Variants in ITSN1 observed in about 807,000 individuals in gnomAD.
ITSN1 encodes intersectin-1.
A neutral mutation model predicts 239.8 loss-of-function variants in ITSN1; 58 were observed. The ratio of observed to expected loss-of-function variants is 0.24; its 90% CI spans 0.20 to 0.30. ITSN1 has a LOEUF of 0.30. ITSN1 is among the 10% of genes least tolerant of loss of function. ITSN1 has a pLI of 1.00. For missense variants in ITSN1, 1,558 were observed against 2,103.3 expected, an observed-to-expected ratio of 0.74 and a Z score of 5.07; for synonymous variants, 780 against 770.8, an observed-to-expected ratio of 1.01 and a Z score of -0.20.
At chr21:33,712,006 CTCTA>C (rs1455560199) in intron 1 of ITSN1, among the ~76,000 whole-genome samples, 1 of 152,156 alleles carries the variant, frequency 6.6e-6, no homozygotes, top group Non-Finnish European at 1.5e-5. Flanking sequence ...CTCAGCTTCT[CTCTA>C]AAATTTTCAT....
chr21:33,762,179 T>A (rs1437175126), intron 9 of ITSN1, among the ~76,000 whole-genome samples, 193 bp downstream of exon 9: 1 of 152,188 alleles, frequency 6.6e-6, no homozygotes. Flanking sequence ...AAAAGCAGAT[T>A]AATACAATAA....
At position 33,667,844 on chromosome 21, in the gene ITSN1, A is replaced by G. The variant is rs185329119; in HGVS notation, c.-33+25131A>G. Among the ~76,000 whole-genome samples the G allele has an allele frequency of 9.4e-3, 1,436 of 152,228 alleles. 13 individuals carry two copies. Among genetic ancestry groups the G allele is most frequent in the Non-Finnish European group, 0.015 (1,035 of 68,014 alleles). ...CTGGGAATGTATGTGTGAAGTTCCC[A>G]TTTGGAAGGCTGGCATCGTAGTACT... is the stretch of plus-strand genomic sequence containing the variant. On this transcript the variant is annotated intron_variant, in intron 1 of 39. Transcript: ENST00000381318.
At chr21:33,810,887 G>A in intron 20 of ITSN1, 88 bp from the exon 21 acceptor site, 1 of 1,435,506 alleles carries the variant, frequency 7.0e-7, no homozygotes, top group Non-Finnish European at 9.8e-7. Context: ...TCTAAAGAGG[G>A]CAGAGGCTTG....
chr21:33,750,316 C>T lies in ITSN1; in HGVS notation c.520C>T (p.His174Tyr). ...TATACAACCTCTGCCTGCATTTGCT[C>T]ATCCTGGTATGTGACTTGCTGAAAC... is the stretch of plus-strand genomic sequence containing the variant. ...PVIQPLPAFA[H>Y]PAATLPKSSS... The change falls in exon 6 of 40, where the codon CAT becomes TAT. Residue 174 changes from histidine to tyrosine, a missense_variant. This residue lies in a region of ITSN1 where 982 missense variants were observed against 1,209.9 expected (regional missense o/e 0.81). Coordinates refer to ENST00000381318, the MANE Select transcript of ITSN1 (RefSeq NM_003024.3). 1.2e-6 allele frequency: 2 copies of T among 1,612,886 alleles called. No individual in the cohort carries two copies. Among genetic ancestry groups the T allele is most frequent in the East Asian group, 2.2e-5 (1 of 44,888 alleles).
chr21:33,885,222 T>C, intron 37 of ITSN1, 99 bp downstream of exon 37: 4 of 1,123,240 alleles, frequency 3.6e-6, no homozygotes, highest in Admixed American at 3.9e-5. Context: ...CCCCTGGACC[T>C]AGAGGAGGGG....
At chr21:33,842,423 G>A (rs893042253) in intron 29 of ITSN1, among the ~76,000 whole-genome samples, 10 of 152,116 alleles carry the variant, frequency 6.6e-5, no homozygotes, top group South Asian at 6.2e-4. Context: ...TATAGTGTCC[G>A]TGCAACTTAA....
intron 4 of ITSN1, among the ~76,000 whole-genome samples, chr21:33,728,566 C>G (rs2065970737): frequency 6.6e-6 from 1 of 152,136 alleles, no homozygotes; most frequent in African/African-American, 2.4e-5. Flanking sequence ...TTCTCCTTGC[C>G]TCAGGGTCAT....
intron 33 of ITSN1, among the ~76,000 whole-genome samples, chr21:33,871,100 C>G (rs1399673243): frequency 6.6e-6 from 1 of 151,634 alleles, no homozygotes; most frequent in Non-Finnish European, 1.5e-5. Context: ...CACAGCACTC[C>G]AGCCTGGGTG....
At chr21:33,760,681 C>G (rs962548739) in intron 8 of ITSN1, among the ~76,000 whole-genome samples, 7 of 152,186 alleles carry the variant, frequency 4.6e-5, no homozygotes, top group African/African-American at 1.7e-4. Context: ...TCCCTGACCT[C>G]TACTGCTGGC....
intron 29 of ITSN1, among the ~76,000 whole-genome samples, chr21:33,842,953 C>G (rs2074874382): frequency 6.6e-6 from 1 of 152,112 alleles, no homozygotes; most frequent in South Asian, 2.1e-4. Flanking sequence ...TGATACCTGT[C>G]CCCACACACT....
At chr21:33,796,336 T>G (rs2071560918) in intron 17 of ITSN1, among the ~76,000 whole-genome samples, 1 of 152,244 alleles carries the variant, frequency 6.6e-6, no homozygotes, top group African/African-American at 2.4e-5. Flanking sequence ...AAAAAATGTT[T>G]TTATACTTTC....
At chr21:33,781,955 TAA>T (rs766670050) in intron 15 of ITSN1, 37 bp from the exon 16 acceptor site, 17 of 1,547,342 alleles carry the variant, frequency 1.1e-5, no homozygotes, top group Non-Finnish European at 1.5e-5. Context: ...CACTGCAAAT[TAA>T]AGTTTTTCTT....
intron 3 of ITSN1, among the ~76,000 whole-genome samples, chr21:33,721,645 A>G (rs2065489855): frequency 6.6e-6 from 1 of 151,774 alleles, no homozygotes; most frequent in East Asian, 2.0e-4. Flanking sequence ...AAAATAAAAA[A>G]TTAGCTGGGT....
intron 11 of ITSN1, 137 bp downstream of exon 11, chr21:33,767,965 G>A: frequency 3.7e-6 from 2 of 535,690 alleles, no homozygotes; most frequent in Non-Finnish European, 6.6e-6. Context: ...GACCTTAGTT[G>A]GAGATAATTG....
chr21:33,752,344 A>T (rs748790089), intron 7 of ITSN1, among the ~76,000 whole-genome samples: 1 of 146,178 alleles, frequency 6.8e-6, no homozygotes, highest in Non-Finnish European at 1.5e-5. Flanking sequence ...AATCTTGTGG[A>T]GTTTATATGG....
Position 33,767,826 on chromosome 21 carries a change from C to T in ITSN1, c.1040C>T (p.Pro347Leu). The change falls in exon 11 of 40, where the codon CCT becomes CTT. Residue 347 changes from proline to leucine, a missense_variant and splice_region_variant. Physicochemically the swap from Pro to Leu is moderately conservative, Grantham distance 98. Around this residue, in one of 2 missense-constraint regions of ITSN1, gnomAD observed 982 missense variants for 1,209.9 expected, o/e 0.81. Coordinates refer to ENST00000381318, the MANE Select transcript of ITSN1 (RefSeq NM_003024.3). ...CAACAACAATTAGAAAAGAAATTAC[C>T]TGGTAAGGCAGCCTTTATGTTGAGT... is the stretch of plus-strand genomic sequence containing the variant. Reference protein sequence around the residue: ...DEQQQLEKKLPVTFEDKKREN... With the variant: ...DEQQQLEKKLLVTFEDKKREN... The T allele has an allele frequency of 6.5e-7, 1 of 1,527,324 alleles. No homozygotes were observed. The highest frequency in any genetic ancestry group is 9.1e-7 in the Non-Finnish European group (1 of 1,102,400). The allele number at this position is 1,527,324 out of a possible 1,614,324, so 94.6% of individuals were successfully genotyped here.
At chr21:33,791,667 C>T (rs2071144052) in intron 16 of ITSN1, among the ~76,000 whole-genome samples, 1 of 151,896 alleles carries the variant, frequency 6.6e-6, no homozygotes, top group African/African-American at 2.4e-5. Context: ...GTTACAAGAG[C>T]CTAGTATAGA....
In ITSN1 at chr21:33,667,108, A is replaced by G. The variant is rs528557510; in HGVS notation, c.-33+24395A>G. 3.2e-3 allele frequency among the ~76,000 whole-genome samples: 480 copies of G among 151,460 alleles called. 2 individuals carry two copies. The highest frequency in any genetic ancestry group is 0.011 in the African/African-American group (460 of 41,324). On this transcript the variant is annotated intron_variant, in intron 1 of 39. Coordinates refer to ENST00000381318, the MANE Select transcript of ITSN1 (RefSeq NM_003024.3). ...TTCTGAGATTACAGAATTTGTAAGC[A>G]TAAGCCACCACACCCAGCCTATTTG...
Position 33,811,144 on chromosome 21 carries a change from G to A in ITSN1, c.2489G>A (p.Arg830His), listed in dbSNP as rs1028088112. Residue 830 changes from arginine to histidine, a missense_variant, in exon 21 of 40, where the codon CGT becomes CAT. Around this residue, in one of 2 missense-constraint regions of ITSN1, gnomAD observed 982 missense variants for 1,209.9 expected, o/e 0.81. Transcript: ENST00000381318. ...TSAPAPKLAL[R>H]ETPAPLAVTS... ...GCCCCTGCCCCCAAACTGGCCTTGC[G>A]TGAGACCCCCGCCCCTTTGGCAGTA... 2.0e-5 allele frequency: 32 copies of A among 1,611,628 alleles called. No homozygotes were observed. The highest frequency in any genetic ancestry group is 6.8e-5 in the African/African-American group (5 of 73,952).
Sources: gnomAD v4.1 joint callset for allele counts (sites outside exome capture counted in the v4.1 genomes callset) on GRCh38, gnomAD v4.1.1 for gene constraint, gnomAD v4.1.1 regional missense constraint, MANE v1.5 for transcripts, NCBI Gene and HGNC (gene_info 2026-07-23, HGNC 2026-07-21) for gene names.